The following ADAMTS17 variants were observed in gnomAD, a reference collection of about 807,000 sequenced individuals.
The protein encoded by ADAMTS17 is A disintegrin and metalloproteinase with thrombospondin motifs 17.
A neutral mutation model predicts 141.5 loss-of-function variants in ADAMTS17; 113 were observed. The ratio of observed to expected loss-of-function variants is 0.80; its 90% confidence interval spans 0.69 to 0.93. The LOEUF is 0.93. Ranked by LOEUF, ADAMTS17 falls within the 40% of genes least tolerant of loss-of-function variation. The probability of loss-of-function intolerance (pLI) is 0.00; values close to 1 mark genes in which losing one functional copy is unlikely to be tolerated. For synonymous variants in ADAMTS17, 768 were observed against 630.6 expected, an observed-to-expected ratio of 1.22 and a Z score of -3.27; for missense variants, 1,659 against 1,517.9, an observed-to-expected ratio of 1.09 and a Z score of -1.54.
rs149529659 is a variant in ADAMTS17, at chr15:100,311,298, C to T, written c.616+19591G>A. Among the ~76,000 whole-genome samples, 346 of 152,294 alleles carry T rather than the reference C, an allele frequency of 2.3e-3. 2 individuals carry two copies. The highest frequency in any genetic ancestry group is 8.0e-3 in the African/African-American group (333 of 41,564). On this transcript the variant is annotated intron_variant, in intron 3 of 21. Transcript: ENST00000268070. ...CAGGGACCTCTCTCTCCACCCCCAC[C>T]GCCCCCTGCAACACCAAGCCAGCAC...
intron 3 of ADAMTS17, among the ~76,000 whole-genome samples, chr15:100,290,531 G>A (rs12442705): frequency 0.32 from 48,340 of 152,040 alleles, 8,081 homozygotes; most frequent in African/African-American, 0.42. Context: ...ATGGAACCAG[G>A]AAAGAGCCTG....
At chr15:100,065,155 C>T (rs2033426423) in intron 15 of ADAMTS17, among the ~76,000 whole-genome samples, 1 of 152,094 alleles carries the variant, frequency 6.6e-6, no homozygotes, top group Admixed American at 6.5e-5. Context: ...TTGACCTATA[C>T]CACATCACAA....
At chr15:100,256,415 T>C (rs2141973676) in intron 6 of ADAMTS17, 1 of 152,340 alleles carries the variant, frequency 6.6e-6, no homozygotes, top group Non-Finnish European at 1.5e-5. Context: ...CAGCCAGGCA[T>C]ACAGTTGGGA....
At chr15:99,995,079 A>C (rs1474501456) in intron 19 of ADAMTS17, among the ~76,000 whole-genome samples, 1 of 152,178 alleles carries the variant, frequency 6.6e-6, no homozygotes, top group African/African-American at 2.4e-5. Flanking sequence ...TGCATGCAGG[A>C]GCAGGGGTAG....
rs2034303950 is a variant in ADAMTS17, at chr15:100,075,481, C to G, written c.2137+20875G>C. On this transcript the variant is annotated intron_variant, in intron 15 of 21. Coordinates refer to ENST00000268070, the MANE Select transcript of ADAMTS17 (RefSeq NM_139057.4). Reference sequence around the variant, plus strand: ...AACATGTTGAGGTCATACTTGCTTTCTCTGAGGCTGTTGTATGAGTGGCTC... The same window carrying G: ...AACATGTTGAGGTCATACTTGCTTTGTCTGAGGCTGTTGTATGAGTGGCTC... Among the ~76,000 whole-genome samples the G allele has an allele frequency of 2.6e-5, 4 of 152,276 alleles. No individual in the cohort carries two copies. In the South Asian group the frequency reaches 8.3e-4, roughly 32 times the overall value.
At chr15:100,214,524 A>G (rs2041910877) in intron 7 of ADAMTS17, among the ~76,000 whole-genome samples, 4 of 152,236 alleles carry the variant, frequency 2.6e-5, no homozygotes, top group Admixed American at 2.6e-4. Context: ...AAAAAGTATA[A>G]TAATAAAAAA....
intron 3 of ADAMTS17, among the ~76,000 whole-genome samples, chr15:100,324,881 G>A (rs1472338999): frequency 3.9e-5 from 6 of 152,164 alleles, no homozygotes; most frequent in Admixed American, 3.9e-4. Context: ...AGCCCTAAGA[G>A]GTAGATGACA....
intron 18 of ADAMTS17, among the ~76,000 whole-genome samples, chr15:100,012,697 G>C (rs2061210559): frequency 6.6e-6 from 1 of 152,162 alleles, no homozygotes; most frequent in African/African-American, 2.4e-5. Flanking sequence ...TTGGCTGTAA[G>C]TATTTGGGTT....
chr15:100,152,561 G>A, intron 10 of ADAMTS17, 51 bp downstream of exon 10: 1 of 1,608,126 alleles, frequency 6.2e-7, no homozygotes, highest in South Asian at 1.1e-5. Flanking sequence ...CCTGCTGTGG[G>A]AGGGCTGGAT....
rs114522115 is a variant in ADAMTS17 at position 100,338,115 on chromosome 15, C to T, written c.450+2924G>A. 6.5e-3 allele frequency among the ~76,000 whole-genome samples: 989 copies of T among 152,256 alleles called. 15 individuals are homozygous for T. Among genetic ancestry groups the T allele is most frequent in the African/African-American group, 0.023 (940 of 41,546 alleles). ...AAACAATTAATACTTAAGTCTATGG[C>T]CTTTGAAGATCCAAAAGGCGCAGCT... On this transcript the variant is annotated intron_variant, in intron 2 of 21. Transcript: ENST00000268070.
intron 10 of ADAMTS17, among the ~76,000 whole-genome samples, chr15:100,134,203 G>A (rs1040262596): frequency 3.3e-5 from 5 of 152,154 alleles, no homozygotes; most frequent in African/African-American, 9.7e-5. Context: ...AGTTCCACAC[G>A]CCTCTCAGAG....
intron 3 of ADAMTS17, among the ~76,000 whole-genome samples, chr15:100,298,102 T>G (rs971246011): frequency 6.6e-6 from 1 of 151,434 alleles, no homozygotes; most frequent in African/African-American, 2.4e-5. Context: ...CTAGAGAGGG[T>G]TGAATGCATG....
chr15:100,072,194 T>G (rs1465472617), intron 15 of ADAMTS17, among the ~76,000 whole-genome samples: 1 of 148,624 alleles, frequency 6.7e-6, no homozygotes, highest in Non-Finnish European at 1.5e-5. Context: ...GAATCCAACT[T>G]ACAAGGGATG....
At chr15:100,025,325 C>T (rs2061487084) in intron 18 of ADAMTS17, among the ~76,000 whole-genome samples, 1 of 151,558 alleles carries the variant, frequency 6.6e-6, no homozygotes, top group African/African-American at 2.4e-5. Context: ...CTTTTTGAAT[C>T]GGTTTCTTTT....
At chr15:100,142,929 T>A (rs112835431) in intron 10 of ADAMTS17, among the ~76,000 whole-genome samples, 32 of 152,342 alleles carry the variant, frequency 2.1e-4, no homozygotes, top group African/African-American at 7.0e-4. Context: ...TCCTTGTGAA[T>A]GCTATGACAT....
At chr15:100,021,945 G>T (rs558452734) in intron 18 of ADAMTS17, among the ~76,000 whole-genome samples, 1 of 152,190 alleles carries the variant, frequency 6.6e-6, no homozygotes, top group Non-Finnish European at 1.5e-5. Flanking sequence ...TCCACTGCTG[G>T]CTCATCTGAG....
At position 100,070,694 on chromosome 15, in the gene ADAMTS17, C is replaced by T. The variant is rs1402140550; in HGVS notation, c.2138-16640G>A. ...AAATAAAGATGTTCTTTGACACCAA[C>T]GAGAACAAAGACACAACATACCAGA... On this transcript the variant is annotated intron_variant, in intron 15 of 21. Transcript: ENST00000268070. 2.2e-4 allele frequency among the ~76,000 whole-genome samples: 33 copies of T among 149,832 alleles called. 4 individuals carry two copies. The East Asian group carries it at 5.9e-3, about 27-fold the overall frequency.
chr15:100,211,042 G>A (rs1460313654), intron 7 of ADAMTS17, among the ~76,000 whole-genome samples: 4 of 151,946 alleles, frequency 2.6e-5, no homozygotes, highest in Non-Finnish European at 5.9e-5. Context: ...GGAGCTTGCA[G>A]TGAGCCGAGA....
chr15:100,025,588 A>AT (rs1309887284), intron 18 of ADAMTS17, among the ~76,000 whole-genome samples: 1 of 151,228 alleles, frequency 6.6e-6, no homozygotes, highest in African/African-American at 2.4e-5. Context: ...ATTTTTTTGT[A>AT]TTTTTAGTAG....
Sources: gnomAD v4.1 joint callset for allele counts (sites outside exome capture counted in the v4.1 genomes callset) on GRCh38, gnomAD v4.1.1 for gene constraint, MANE v1.5 for transcripts, NCBI Gene and HGNC (gene_info 2026-07-23, HGNC 2026-07-21) for gene names.